IGSF21: variants seen among roughly 807,000 people sequenced by gnomAD.
IGSF21 encodes immunoglobin superfamily member 21.
IGSF21 carries 28 observed loss-of-function variants against 46.8 expected under a neutral mutation model. The ratio of observed to expected loss-of-function variants is 0.60; its 90% CI spans 0.44 to 0.82. IGSF21 has a LOEUF of 0.82. Among genes scored for constraint, IGSF21 ranks in the 40% least tolerant of loss-of-function variants. The pLI, the probability that IGSF21 is intolerant of heterozygous loss-of-function variation, is 0.00. For synonymous variants in IGSF21, 284 were observed against 273.6 expected (o/e 1.04, Z -0.38); for missense variants, 624 against 665.5 (o/e 0.94, Z 0.69).
intron 6 of IGSF21, among the ~76,000 whole-genome samples, chr1:18,368,478 T>C (rs1186156787): frequency 6.9e-6 from 1 of 145,142 alleles, no homozygotes; most frequent in African/African-American, 2.5e-5. Context: ...ACCACTGCAC[T>C]CCAGCCTAGG....
chr1:18,259,293 C>T (rs1179444089), intron 2 of IGSF21, among the ~76,000 whole-genome samples: 1 of 152,148 alleles, frequency 6.6e-6, no homozygotes, highest in Admixed American at 6.5e-5. Flanking sequence ...TCAATTTCTT[C>T]ATCTGTAAAA....
intron 4 of IGSF21, among the ~76,000 whole-genome samples, chr1:18,342,415 G>A (rs2085852468): frequency 6.6e-6 from 1 of 152,144 alleles, no homozygotes; most frequent in East Asian, 1.9e-4. Context: ...CTAAAATATG[G>A]TTTTATTGAG....
intron 3 of IGSF21, among the ~76,000 whole-genome samples, chr1:18,332,576 T>A (rs2085724762): frequency 6.6e-6 from 1 of 152,130 alleles, no homozygotes; most frequent in African/African-American, 2.4e-5. Flanking sequence ...GAGGCTATTT[T>A]TTCAGTCTAG....
At chr1:18,143,306 T>C (rs942574600) in intron 1 of IGSF21, among the ~76,000 whole-genome samples, 1 of 152,134 alleles carries the variant, frequency 6.6e-6, no homozygotes, top group Non-Finnish European at 1.5e-5. Flanking sequence ...CTGTCCCCTT[T>C]CAGGCCGGGA....
chr1:18,356,664 A>C (rs1394291262), intron 4 of IGSF21, among the ~76,000 whole-genome samples: 1 of 152,252 alleles, frequency 6.6e-6, no homozygotes, highest in Non-Finnish European at 1.5e-5. Flanking sequence ...ACACATAAAA[A>C]GCTGCTGGCT....
At chr1:18,329,152 G>A (rs1212018695) in intron 3 of IGSF21, among the ~76,000 whole-genome samples, 3 of 152,150 alleles carry the variant, frequency 2.0e-5, no homozygotes, top group African/African-American at 7.2e-5. Context: ...GGGGCAGTGG[G>A]GGAGAGCATT....
At chr1:18,354,703 G>C (rs1178771753) in intron 4 of IGSF21, among the ~76,000 whole-genome samples, 1 of 151,998 alleles carries the variant, frequency 6.6e-6, no homozygotes, top group Non-Finnish European at 1.5e-5. Flanking sequence ...AAGCACCTTC[G>C]TAGAGTGGTA....
intron 3 of IGSF21, among the ~76,000 whole-genome samples, chr1:18,333,370 C>T (rs1334578554): frequency 1.3e-5 from 2 of 152,212 alleles, no homozygotes; most frequent in Admixed American, 1.3e-4. Context: ...AAGGCTCCTT[C>T]CCATCCAAGT....
intron 3 of IGSF21, among the ~76,000 whole-genome samples, chr1:18,317,010 T>C (rs543729544): frequency 7.0e-4 from 107 of 152,306 alleles, no homozygotes; most frequent in African/African-American, 2.4e-3. Context: ...TTTTGCAGAA[T>C]TGATCGACAT....
intron 1 of IGSF21, among the ~76,000 whole-genome samples, chr1:18,172,332 T>A (rs962309007): frequency 2.0e-5 from 3 of 152,366 alleles, no homozygotes; most frequent in African/African-American, 7.2e-5. Flanking sequence ...TATTACTTCT[T>A]GTTACGCTCA....
chr1:18,269,466 C>G (rs889704324), intron 2 of IGSF21, among the ~76,000 whole-genome samples: 2 of 152,108 alleles, frequency 1.3e-5, no homozygotes, highest in Non-Finnish European at 2.9e-5. Context: ...CAAGGAAAAG[C>G]TTACTGTGGG....
At chr1:18,225,380 CA>C (rs1359218251) in intron 1 of IGSF21, among the ~76,000 whole-genome samples, 1 of 152,020 alleles carries the variant, frequency 6.6e-6, no homozygotes, top group African/African-American at 2.4e-5. Flanking sequence ...ACCAGAGCTG[CA>C]ACCACTCCCC....
intron 2 of IGSF21, among the ~76,000 whole-genome samples, chr1:18,250,087 C>A (rs2084824167): frequency 1.1e-5 from 1 of 93,914 alleles, no homozygotes; most frequent in Non-Finnish European, 2.3e-5. Context: ...CCATCCCCCA[C>A]TCCCTCCCTC....
At chr1:18,346,041 A>G (rs1569852142) in intron 4 of IGSF21, among the ~76,000 whole-genome samples, 1 of 152,336 alleles carries the variant, frequency 6.6e-6, no homozygotes, top group East Asian at 1.9e-4. Context: ...GGCTGTGTCC[A>G]TAGCTCACAG....
intron 4 of IGSF21, among the ~76,000 whole-genome samples, chr1:18,355,830 T>C (rs1427505973): frequency 1.9e-4 from 2 of 10,354 alleles, no homozygotes; most frequent in Admixed American, 1.1e-3. Flanking sequence ...GTCTAGACTC[T>C]TTTTTTTTTT....
intron 1 of IGSF21, among the ~76,000 whole-genome samples, chr1:18,190,394 T>C (rs1265284757): frequency 6.6e-6 from 1 of 152,210 alleles, no homozygotes; most frequent in Non-Finnish European, 1.5e-5. Flanking sequence ...ATGGAACACC[T>C]AGCCAGAGGT....
At chr1:18,144,034 A>G (rs2124427820) in intron 1 of IGSF21, among the ~76,000 whole-genome samples, 1 of 152,250 alleles carries the variant, frequency 6.6e-6, no homozygotes, top group African/African-American at 2.4e-5. Flanking sequence ...CCTGCATCAG[A>G]GTGGGAGCCC....
rs1457457308 is a variant in IGSF21, at chr1:18,325,215, C to A, written c.306-9677C>A. 2.0e-5 allele frequency among the ~76,000 whole-genome samples: 3 copies of A among 152,224 alleles called. No homozygotes were observed. The East Asian group carries it at 5.8e-4, about 29-fold the overall frequency. On this transcript the variant is annotated intron_variant, in intron 3 of 9. Transcript: ENST00000251296. ...TGTCTGTGTGTGTACAGCTTTCTGGCAGCCCCTGGTGTTTGAAAGAACCCC... is the reference window on the plus strand; with the variant it reads ...TGTCTGTGTGTGTACAGCTTTCTGGAAGCCCCTGGTGTTTGAAAGAACCCC...
intron 2 of IGSF21, among the ~76,000 whole-genome samples, chr1:18,228,700 C>T (rs961666283): frequency 1.3e-5 from 2 of 152,178 alleles, no homozygotes; most frequent in African/African-American, 2.4e-5. Context: ...GGCAGTGATG[C>T]TTTTCTTCCA....
Sources: allele counts gnomAD v4.1 joint callset (sites outside exome capture counted in the v4.1 genomes callset), GRCh38; gene constraint gnomAD v4.1.1; transcripts MANE v1.5; gene names NCBI Gene and HGNC (gene_info 2026-07-23, HGNC 2026-07-21).